The following NPFFR2 variants were observed in gnomAD, a reference collection of about 807,000 sequenced individuals.
NPFFR2 encodes the protein neuropeptide FF receptor 2, also known as G-protein coupled receptor 74.
In NPFFR2, 15 loss-of-function variants were observed where a neutral mutation model predicts 13.1. The observed-to-expected ratio is 1.15, with a 90% confidence interval of 0.77 to 1.76. The LOEUF is 1.76. Among genes scored for constraint, NPFFR2 ranks in the 40% most tolerant of loss-of-function variants. The pLI, the probability that NPFFR2 is intolerant of heterozygous loss-of-function variation, is 0.00. For synonymous variants in NPFFR2, 190 were observed against 175.7 expected (o/e 1.08, Z -0.65); for missense variants, 572 against 503.5 (o/e 1.14, Z -1.30).
intron 1 of NPFFR2, among the ~76,000 whole-genome samples, chr4:72,118,365 A>G (rs556740041): frequency 6.6e-5 from 10 of 152,354 alleles, no homozygotes; most frequent in African/African-American, 2.2e-4. Flanking sequence ...ACAATTATCC[A>G]ATGAAAACCT....
At chr4:72,112,159 T>C (rs374991916) in intron 1 of NPFFR2, among the ~76,000 whole-genome samples, 48 of 152,122 alleles carry the variant, frequency 3.2e-4, no homozygotes, top group African/African-American at 1.1e-3. Flanking sequence ...TTAAGTACTT[T>C]CCATTTTGAA....
intron 1 of NPFFR2, among the ~76,000 whole-genome samples, chr4:72,122,186 T>C (rs192968982): frequency 6.6e-6 from 1 of 152,052 alleles, no homozygotes; most frequent in Non-Finnish European, 1.5e-5. Flanking sequence ...AAGGGATCAA[T>C]GCAACCAGAA....
At chr4:72,034,637 CAT>C (rs1198653320) in intron 1 of NPFFR2, among the ~76,000 whole-genome samples, 6 of 152,202 alleles carry the variant, frequency 3.9e-5, no homozygotes, top group Non-Finnish European at 2.9e-5. Flanking sequence ...TTCTCTTAAA[CAT>C]ATGAATTTTA....
At chr4:72,138,532 A>G (rs1383476625) in intron 3 of NPFFR2, among the ~76,000 whole-genome samples, 2 of 150,082 alleles carry the variant, frequency 1.3e-5, no homozygotes. Flanking sequence ...TGTCCTTGTG[A>G]TAGTTAGCTG....
chr4:72,067,666 A>C (rs1282669983), intron 1 of NPFFR2, among the ~76,000 whole-genome samples: 1 of 152,066 alleles, frequency 6.6e-6, no homozygotes, highest in African/African-American at 2.4e-5. Flanking sequence ...TAAACAGGAG[A>C]ATCCATGTAG....
At chr4:72,060,777 C>T (rs1719898093) in intron 1 of NPFFR2, among the ~76,000 whole-genome samples, 1 of 152,110 alleles carries the variant, frequency 6.6e-6, no homozygotes, top group Non-Finnish European at 1.5e-5. Flanking sequence ...CCTTCATCAT[C>T]ACTTTTCTAC....
At chr4:72,127,069 G>A (rs975198798) in intron 1 of NPFFR2, among the ~76,000 whole-genome samples, 3 of 151,822 alleles carry the variant, frequency 2.0e-5, no homozygotes, top group Admixed American at 2.0e-4. Context: ...TTGGGAGGCT[G>A]AGGCAGGCAG....
At chr4:72,058,853 G>A (rs1262817284) in intron 1 of NPFFR2, among the ~76,000 whole-genome samples, 1 of 151,990 alleles carries the variant, frequency 6.6e-6, no homozygotes, top group Non-Finnish European at 1.5e-5. Flanking sequence ...ACCACAGCAT[G>A]TACCTGCTGC....
chr4:72,069,600 C>T (rs367833550), intron 1 of NPFFR2, among the ~76,000 whole-genome samples: 9 of 151,850 alleles, frequency 5.9e-5, no homozygotes, highest in South Asian at 4.2e-4. Flanking sequence ...AAAACGTTTG[C>T]GATAAGACAA....
At chr4:72,107,815 A>G (rs377043582) in intron 1 of NPFFR2, among the ~76,000 whole-genome samples, 1 of 152,018 alleles carries the variant, frequency 6.6e-6, no homozygotes, top group Non-Finnish European at 1.5e-5. Flanking sequence ...CTGGACTTGT[A>G]TGTCAAAAAA....
chr4:72,089,451 A>C (rs1472786555), intron 1 of NPFFR2, among the ~76,000 whole-genome samples: 1 of 152,190 alleles, frequency 6.6e-6, no homozygotes, highest in Non-Finnish European at 1.5e-5. Context: ...AACAGTGTTA[A>C]AGTGTTCCCT....
chr4:72,104,118 A>G (rs912278037), intron 1 of NPFFR2, among the ~76,000 whole-genome samples: 3 of 152,092 alleles, frequency 2.0e-5, no homozygotes, highest in Non-Finnish European at 4.4e-5. Flanking sequence ...TCCCCTGCCC[A>G]GTGGGATCTC....
intron 3 of NPFFR2, among the ~76,000 whole-genome samples, chr4:72,139,459 T>C (rs1225359667): frequency 6.6e-6 from 1 of 152,178 alleles, no homozygotes; most frequent in Non-Finnish European, 1.5e-5. Context: ...AAGGATCCAG[T>C]TTCAGCTTTC....
At chr4:72,133,828 G>C (rs1050878748) in intron 2 of NPFFR2, among the ~76,000 whole-genome samples, 1 of 152,148 alleles carries the variant, frequency 6.6e-6, no homozygotes, top group Non-Finnish European at 1.5e-5. Flanking sequence ...GGATGTATAG[G>C]AATGCCAGTG....
intron 1 of NPFFR2, among the ~76,000 whole-genome samples, chr4:72,073,427 C>T (rs991039996): frequency 6.6e-6 from 1 of 151,748 alleles, no homozygotes; most frequent in African/African-American, 2.4e-5. Flanking sequence ...CTTAAGGGAG[C>T]CCTGCAGGTT....
chr4:72,043,586 T>C (rs1341940644), intron 1 of NPFFR2, among the ~76,000 whole-genome samples: 1 of 152,244 alleles, frequency 6.6e-6, no homozygotes, highest in East Asian at 1.9e-4. Flanking sequence ...ATTTTGGTAA[T>C]TTAATGTTTA....
At chr4:72,041,180 A>G (rs750237434) in intron 1 of NPFFR2, among the ~76,000 whole-genome samples, 1 of 151,948 alleles carries the variant, frequency 6.6e-6, no homozygotes, top group African/African-American at 2.4e-5. Flanking sequence ...CTTAGTGTCT[A>G]TTGTGCCCAT....
intron 1 of NPFFR2, among the ~76,000 whole-genome samples, chr4:72,037,357 T>G (rs965063990): frequency 1.3e-5 from 2 of 150,222 alleles, no homozygotes; most frequent in African/African-American, 4.9e-5. Context: ...TGAGCCATGA[T>G]TATGCCACTG....
chr4:72,111,874 A>G, intron 1 of NPFFR2, among the ~76,000 whole-genome samples: 1 of 152,052 alleles, frequency 6.6e-6, no homozygotes, highest in East Asian at 1.9e-4. Flanking sequence ...CCAACATGGC[A>G]TCTCCAAATC....
Sources: gnomAD v4.1 joint callset for allele counts (sites outside exome capture counted in the v4.1 genomes callset) on GRCh38, gnomAD v4.1.1 for gene constraint, MANE v1.5 for transcripts, NCBI Gene and HGNC (gene_info 2026-07-23, HGNC 2026-07-21) for gene names.